Variants in SLC25A21 observed in about 807,000 individuals in gnomAD.
SLC25A21 encodes solute carrier family 25 member 21.
In SLC25A21, 47 loss-of-function variants were observed where a neutral mutation model predicts 43.8. The observed-to-expected ratio is 1.07, with a 90% CI of 0.85 to 1.37. The LOEUF (loss-of-function observed/expected upper bound fraction) is 1.37. Among genes scored for constraint, SLC25A21 ranks in the 40% most tolerant of loss-of-function variants. SLC25A21 has a pLI of 0.00. For missense variants in SLC25A21, 352 were observed against 350.2 expected, an observed-to-expected ratio of 1.00 and a Z score of -0.04; for synonymous variants, 131 against 121.3, an observed-to-expected ratio of 1.08 and a Z score of -0.52.
intron 1 of SLC25A21, among the ~76,000 whole-genome samples, chr14:36,995,849 C>T (rs1239215365): frequency 6.6e-6 from 1 of 152,164 alleles, no homozygotes; most frequent in African/African-American, 2.4e-5. Context: ...CTTACTCCTT[C>T]GCTCCTACTG....
At position 36,679,494 on chromosome 14, in the gene SLC25A21, A is replaced by G; in HGVS notation, c.*1164T>C. On this transcript the variant is annotated 3_prime_UTR_variant, in exon 10 of 10. Coordinates refer to ENST00000331299, the MANE Select transcript of SLC25A21 (RefSeq NM_030631.4). ...TTATTCTTGTTGACTTTACTGAATC[A>G]GCATCATCTCTGGATGCAGATATAA... is the stretch of plus-strand genomic sequence containing the variant. 2.0e-6 allele frequency: 2 copies of G among 985,462 alleles called. No homozygotes were observed. The highest frequency in any genetic ancestry group is 2.4e-6 in the Non-Finnish European group (2 of 829,930). 61.0% of individuals were successfully genotyped at this position (985,462 alleles called of 1,614,324 possible). A position where few individuals can be genotyped will look rare whatever the true frequency, so the allele number is the denominator to read the frequency against.
intron 1 of SLC25A21, among the ~76,000 whole-genome samples, chr14:36,919,745 C>T (rs757411405): frequency 7.2e-5 from 11 of 151,880 alleles, no homozygotes; most frequent in Non-Finnish European, 1.3e-4. Context: ...GAAGAACAGA[C>T]AGTAGGAATT....
chr14:36,898,798 G>A lies in SLC25A21; in HGVS notation c.71-23794C>T, dbSNP rs548135265. ...GTGGTGCAGTGGCCAGGGAGATGTT[G>A]ATCAAAGGATACACCATTTCCCCAG... On this transcript the variant is annotated intron_variant, in intron 1 of 9. Coordinates refer to ENST00000331299, the MANE Select transcript of SLC25A21 (RefSeq NM_030631.4). Among the ~76,000 whole-genome samples, 12 of 152,228 alleles carry A rather than the reference G, an allele frequency of 7.9e-5. 1 individual carries two copies. The highest frequency in any genetic ancestry group is 2.9e-4 in the African/African-American group (12 of 41,542).
chr14:36,736,309 G>C (rs1258229194), intron 3 of SLC25A21, among the ~76,000 whole-genome samples: 1 of 152,112 alleles, frequency 6.6e-6, no homozygotes, highest in Non-Finnish European at 1.5e-5. Context: ...GATTTGGAGA[G>C]CTATGGCAAT....
At chr14:36,761,196 C>T (rs150158553) in intron 3 of SLC25A21, among the ~76,000 whole-genome samples, 31 of 152,314 alleles carry the variant, frequency 2.0e-4, no homozygotes, top group African/African-American at 6.7e-4. Context: ...AGCCTTGGAG[C>T]ATTTTCTCCT....
chr14:36,713,693 G>A lies in SLC25A21; in HGVS notation c.439-2211C>T, dbSNP rs115920879. ...AATAAGGATAATGATAGAATCTTCC[G>A]GAGGTCAGTGGCTTCTGCAGTGGCT... is the stretch of plus-strand genomic sequence containing the variant. On this transcript the variant is annotated intron_variant, in intron 6 of 9. Coordinates refer to ENST00000331299, the MANE Select transcript of SLC25A21 (RefSeq NM_030631.4). 9.5e-3 allele frequency among the ~76,000 whole-genome samples: 1,445 copies of A among 152,174 alleles called. 21 individuals are homozygous for A. The highest frequency in any genetic ancestry group is 0.032 in the African/African-American group (1,342 of 41,524).
At chr14:37,031,688 T>C (rs1028499324) in intron 1 of SLC25A21, among the ~76,000 whole-genome samples, 1 of 152,200 alleles carries the variant, frequency 6.6e-6, no homozygotes, top group Non-Finnish European at 1.5e-5. Flanking sequence ...GAATCTTTTG[T>C]AGTAAAATAT....
At chr14:37,135,932 T>C (rs1963472785) in intron 1 of SLC25A21, among the ~76,000 whole-genome samples, 1 of 152,222 alleles carries the variant, frequency 6.6e-6, no homozygotes, top group African/African-American at 2.4e-5. Flanking sequence ...CAATAAATGG[T>C]ATGTATTATG....
chr14:36,753,384 G>A (rs1445950406), intron 3 of SLC25A21, among the ~76,000 whole-genome samples: 2 of 152,194 alleles, frequency 1.3e-5, no homozygotes, highest in African/African-American at 4.8e-5. Flanking sequence ...GGCTGAGCTA[G>A]GAAGCCTTGT....
intron 3 of SLC25A21, among the ~76,000 whole-genome samples, chr14:36,743,161 C>T (rs1885341590): frequency 6.6e-6 from 1 of 151,998 alleles, no homozygotes; most frequent in African/African-American, 2.4e-5. Context: ...GAACCAGAAC[C>T]CTGATGGAAA....
chr14:36,706,704 A>G (rs1273386773), intron 7 of SLC25A21, among the ~76,000 whole-genome samples: 1 of 152,030 alleles, frequency 6.6e-6, no homozygotes, highest in Non-Finnish European at 1.5e-5. Flanking sequence ...ACTTTTCTCA[A>G]CACGCACATA....
At chr14:37,014,051 C>G (rs1960792145) in intron 1 of SLC25A21, among the ~76,000 whole-genome samples, 2 of 152,070 alleles carry the variant, frequency 1.3e-5, no homozygotes, top group South Asian at 4.1e-4. Flanking sequence ...CTTCAGCGAA[C>G]TGTGATCTTT....
At chr14:36,856,240 C>T (rs1889893934) in intron 2 of SLC25A21, among the ~76,000 whole-genome samples, 1 of 152,112 alleles carries the variant, frequency 6.6e-6, no homozygotes, top group African/African-American at 2.4e-5. Context: ...ATTGTTGGTC[C>T]GTAAAGGAAG....
chr14:37,112,639 A>T (rs987450045), intron 1 of SLC25A21, among the ~76,000 whole-genome samples: 2 of 152,158 alleles, frequency 1.3e-5, no homozygotes, highest in Non-Finnish European at 2.9e-5. Context: ...AAAGAAAGGA[A>T]GTGATGTAAA....
At chr14:37,039,110 T>C (rs918218327) in intron 1 of SLC25A21, among the ~76,000 whole-genome samples, 1 of 152,138 alleles carries the variant, frequency 6.6e-6, no homozygotes. Flanking sequence ...GGAACAAGGA[T>C]GGTACGGTGA....
intron 2 of SLC25A21, among the ~76,000 whole-genome samples, chr14:36,834,215 A>G (rs1889130382): frequency 6.6e-6 from 1 of 152,248 alleles, no homozygotes; most frequent in Admixed American, 6.5e-5. Flanking sequence ...CTAAACTGCA[A>G]CTAGGTAAAC....
chr14:37,130,235 G>A (rs1963370609), intron 1 of SLC25A21, among the ~76,000 whole-genome samples: 1 of 152,036 alleles, frequency 6.6e-6, no homozygotes, highest in Non-Finnish European at 1.5e-5. Flanking sequence ...CTGTACTTGT[G>A]CTTTTGTGAC....
chr14:36,889,816 C>A (rs1266532943), intron 1 of SLC25A21, among the ~76,000 whole-genome samples: 2 of 152,086 alleles, frequency 1.3e-5, no homozygotes, highest in Non-Finnish European at 2.9e-5. Context: ...TGTTTGATTT[C>A]AGTTAATATT....
At chr14:36,995,126 C>T (rs1444731348) in intron 1 of SLC25A21, among the ~76,000 whole-genome samples, 1 of 152,132 alleles carries the variant, frequency 6.6e-6, no homozygotes, top group Non-Finnish European at 1.5e-5. Context: ...TTATACCTCT[C>T]AAAGTGTGTT....
Sources: gnomAD v4.1 joint callset for allele counts (sites outside exome capture counted in the v4.1 genomes callset) on GRCh38, gnomAD v4.1.1 for gene constraint, MANE v1.5 for transcripts, NCBI Gene and HGNC (gene_info 2026-07-23, HGNC 2026-07-21) for gene names.